ATF6: variants seen among roughly 807,000 people sequenced by gnomAD.
ATF6 encodes the protein activating transcription factor 6, also known as cyclic AMP-dependent transcription factor ATF-6 alpha.
Under a neutral mutation model 83.6 loss-of-function variants are expected in ATF6, and 53 were observed. The observed-to-expected ratio is 0.63, with a 90% CI of 0.51 to 0.80. The LOEUF is 0.80. ATF6 is among the 30% of genes least tolerant of loss of function. The probability of loss-of-function intolerance (pLI) is 0.00; values close to 1 mark genes in which losing one functional copy is unlikely to be tolerated. For synonymous variants in ATF6, 288 were observed against 285.8 expected (o/e 1.01, Z -0.08); for missense variants, 744 against 797.9 (o/e 0.93, Z 0.81).
intron 9 of ATF6, among the ~76,000 whole-genome samples, chr1:161,829,691 C>T (rs1685999266): frequency 6.6e-6 from 1 of 151,974 alleles, no homozygotes; most frequent in East Asian, 1.9e-4. Flanking sequence ...TAAACAGAAC[C>T]AAAGACAAAA....
intron 4 of ATF6, among the ~76,000 whole-genome samples, chr1:161,791,206 A>G (rs1684872619): frequency 6.6e-6 from 1 of 151,912 alleles, no homozygotes; most frequent in Non-Finnish European, 1.5e-5. Context: ...CTTACTCTGC[A>G]TTTTGAGTTA....
At chr1:161,768,153 C>T (rs984962614) in intron 1 of ATF6, among the ~76,000 whole-genome samples, 8 of 152,168 alleles carry the variant, frequency 5.3e-5, no homozygotes, top group African/African-American at 1.4e-4. Flanking sequence ...CTGTGCCCGG[C>T]CAGTGACATT....
At chr1:161,945,506 G>A (rs1023532898) in intron 15 of ATF6, among the ~76,000 whole-genome samples, 1 of 152,162 alleles carries the variant, frequency 6.6e-6, no homozygotes, top group African/African-American at 2.4e-5. Context: ...GGACTTCACA[G>A]ATAAGTCTTG....
At chr1:161,861,457 A>G (rs1464363801) in intron 13 of ATF6, among the ~76,000 whole-genome samples, 1 of 152,032 alleles carries the variant, frequency 6.6e-6, no homozygotes, top group Non-Finnish European at 1.5e-5. Context: ...GATAATTCAA[A>G]TATGTTTAAA....
At chr1:161,825,738 G>T (rs1338310522) in intron 9 of ATF6, among the ~76,000 whole-genome samples, 3 of 152,128 alleles carry the variant, frequency 2.0e-5, no homozygotes, top group African/African-American at 7.2e-5. Flanking sequence ...ATTGTTAGGG[G>T]TTTTTATGGA....
intron 15 of ATF6, among the ~76,000 whole-genome samples, chr1:161,944,755 G>A (rs778162244): frequency 1.3e-5 from 2 of 152,212 alleles, no homozygotes; most frequent in Non-Finnish European, 2.9e-5. Flanking sequence ...AAGGCAGGAC[G>A]ACTTAAGGCC....
At chr1:161,816,564 C>G (rs1033082557) in intron 7 of ATF6, among the ~76,000 whole-genome samples, 3 of 152,190 alleles carry the variant, frequency 2.0e-5, no homozygotes, top group Non-Finnish European at 4.4e-5. Context: ...GGCCCTTCTA[C>G]TGTCTTAACA....
intron 14 of ATF6, among the ~76,000 whole-genome samples, chr1:161,887,826 A>C (rs1687459538): frequency 6.6e-6 from 1 of 152,208 alleles, no homozygotes. Flanking sequence ...AGTTATTGGC[A>C]CCAGTACATC....
intron 9 of ATF6, among the ~76,000 whole-genome samples, chr1:161,822,187 A>C (rs1685780441): frequency 6.6e-6 from 1 of 152,160 alleles, no homozygotes; most frequent in Non-Finnish European, 1.5e-5. Context: ...CAGACAGATA[A>C]TGTTAGTGGT....
chr1:161,797,051 C>T (rs889293367), intron 6 of ATF6, among the ~76,000 whole-genome samples: 3 of 151,724 alleles, frequency 2.0e-5, no homozygotes, highest in Non-Finnish European at 4.4e-5. Context: ...TTTTTATTTG[C>T]GTATTTGGCC....
chr1:161,946,186 G>A (rs1197087649), intron 15 of ATF6, among the ~76,000 whole-genome samples: 1 of 152,210 alleles, frequency 6.6e-6, no homozygotes, highest in South Asian at 2.1e-4. Flanking sequence ...ATAGAGACAG[G>A]AGTACTCCAT....
intron 6 of ATF6, among the ~76,000 whole-genome samples, chr1:161,795,675 C>T (rs1685000640): frequency 6.6e-6 from 1 of 152,152 alleles, no homozygotes; most frequent in African/African-American, 2.4e-5. Context: ...CATGTAATGC[C>T]AGAGAGGATT....
At chr1:161,906,626 C>T (rs1218549762) in intron 14 of ATF6, among the ~76,000 whole-genome samples, 4 of 152,166 alleles carry the variant, frequency 2.6e-5, no homozygotes, top group Admixed American at 6.5e-5. Context: ...CCTCTGGTGA[C>T]CTTGCCAGCA....
At chr1:161,857,813 A>C (rs1360505216) in intron 12 of ATF6, among the ~76,000 whole-genome samples, 18 of 151,074 alleles carry the variant, frequency 1.2e-4, no homozygotes. Flanking sequence ...ATAAGAACAC[A>C]AGGGGGGGAG....
chr1:161,849,353 A>G (rs1483376943), intron 10 of ATF6, among the ~76,000 whole-genome samples: 2 of 152,128 alleles, frequency 1.3e-5, no homozygotes, highest in African/African-American at 2.4e-5. Flanking sequence ...TCCTGGTGCA[A>G]GTTGCAGGGA....
At chr1:161,766,478 G>C (rs1355557386) in intron 1 of ATF6, 36 bp downstream of exon 1, 1 of 1,601,406 alleles carries the variant, frequency 6.2e-7, no homozygotes, top group East Asian at 2.2e-5. Flanking sequence ...GGGTGGCTCG[G>C]GTTCGCGTCT....
rs1048453025 is a variant in ATF6 at position 161,958,695 on chromosome 1, C to A, written c.*41C>A. On this transcript the variant is annotated 3_prime_UTR_variant, in exon 16 of 16. Coordinates refer to ENST00000367942, the MANE Select transcript of ATF6 (RefSeq NM_007348.4). ...CTGGAAAACTGAGCGTGGGACCCTG[C>A]CAGACTGAAGAGCAGGTGAGCAAAA... The A allele has an allele frequency of 2.0e-6, 3 of 1,528,498 alleles. No homozygotes were observed. Among genetic ancestry groups the A allele is most frequent in the African/African-American group, 2.7e-5 (2 of 73,226 alleles). 94.7% of individuals were successfully genotyped at this position (1,528,498 alleles called of 1,614,324 possible).
intron 9 of ATF6, among the ~76,000 whole-genome samples, chr1:161,827,463 G>GT (rs1459356438): frequency 2.6e-5 from 4 of 152,086 alleles, no homozygotes; most frequent in African/African-American, 7.2e-5. Flanking sequence ...CTGAACTTTT[G>GT]TTAAGTACCA....
chr1:161,835,242 G>T (rs1686184601), intron 9 of ATF6, among the ~76,000 whole-genome samples: 1 of 152,088 alleles, frequency 6.6e-6, no homozygotes, highest in Non-Finnish European at 1.5e-5. Context: ...TTTTTGAAGT[G>T]ATGACATCTT....
Sources: allele counts gnomAD v4.1 joint callset (sites outside exome capture counted in the v4.1 genomes callset), GRCh38; gene constraint gnomAD v4.1.1; transcripts MANE v1.5; gene names NCBI Gene and HGNC (gene_info 2026-07-23, HGNC 2026-07-21).